Variants in LUC7L2 observed in about 807,000 individuals in gnomAD.
The protein encoded by LUC7L2 is LUC7 like 2, pre-mRNA splicing factor, also known as putative RNA-binding protein Luc7-like 2.
In LUC7L2, 25 loss-of-function variants were observed where a neutral mutation model predicts 52.8. The observed-to-expected ratio is 0.47, with a 90% CI of 0.34 to 0.66. LUC7L2 has a LOEUF of 0.66. Among genes scored for constraint, LUC7L2 ranks in the 30% least tolerant of loss-of-function variants. LUC7L2 has a pLI of 0.01. For missense variants in LUC7L2, 328 were observed against 497.8 expected (o/e 0.66, Z 3.25); for synonymous variants, 144 against 160.9 (o/e 0.89, Z 0.80).
At chr7:139,367,799 A>G (rs10229358) in intron 1 of LUC7L2, among the ~76,000 whole-genome samples, 58,542 of 152,028 alleles carry the variant, frequency 0.39, 15,750 homozygotes, top group African/African-American at 0.77. Flanking sequence ...ATTTAGCTCA[A>G]TTTCTCACCT....
chr7:139,341,460 G>C, intron 1 of LUC7L2: 1 of 1,613,696 alleles, frequency 6.2e-7, no homozygotes, highest in Non-Finnish European at 8.5e-7. Flanking sequence ...CGCGGCCACC[G>C]GCCGACCCTA....
At chr7:139,354,071 A>T (rs1250998841) in intron 1 of LUC7L2, among the ~76,000 whole-genome samples, 1 of 150,182 alleles carries the variant, frequency 6.7e-6, no homozygotes, top group Non-Finnish European at 1.5e-5. Flanking sequence ...AGCCGAGATC[A>T]CGCCACTGCA....
upstream of LUC7L2, among the ~76,000 whole-genome samples, chr7:139,355,452 A>G (rs942738371): frequency 1.3e-5 from 2 of 152,154 alleles, no homozygotes; most frequent in African/African-American, 4.8e-5. Context: ...ACCACAAAAA[A>G]CCTTAAGATA....
intron 1 of LUC7L2, among the ~76,000 whole-genome samples, chr7:139,350,266 C>T (rs570835766): frequency 3.9e-4 from 60 of 152,130 alleles, no homozygotes; most frequent in Middle Eastern, 6.8e-3. Context: ...GGACTACAGG[C>T]GCCCGCCACC....
intron 1 of LUC7L2, chr7:139,341,341 T>C: frequency 6.3e-7 from 1 of 1,582,486 alleles, no homozygotes; most frequent in Non-Finnish European, 8.6e-7. Flanking sequence ...GTTTTCAGGG[T>C]CGTAGGACGC....
chr7:139,371,261 G>T, intron 1 of LUC7L2: 1 of 614,874 alleles, frequency 1.6e-6, no homozygotes. Flanking sequence ...TTTGTAAATT[G>T]CTTGCCATGA....
intron 2 of LUC7L2, among the ~76,000 whole-genome samples, chr7:139,386,087 C>G (rs974520713): frequency 6.6e-6 from 1 of 152,124 alleles, no homozygotes; most frequent in Non-Finnish European, 1.5e-5. Context: ...ACTGCAGCCT[C>G]CACCTCCCAA....
chr7:139,347,095 A>T (rs1460323261), intron 1 of LUC7L2, among the ~76,000 whole-genome samples: 1 of 151,720 alleles, frequency 6.6e-6, no homozygotes, highest in Non-Finnish European at 1.5e-5. Flanking sequence ...GCCAACACTT[A>T]TTTACCTTTG....
chr7:139,399,602 C>A (rs113775521), intron 3 of LUC7L2, among the ~76,000 whole-genome samples: 213 of 151,238 alleles, frequency 1.4e-3, no homozygotes, highest in African/African-American at 5.0e-3. Context: ...ACCGAGTAGC[C>A]GGGACTACAG....
chr7:139,353,134 T>A (rs1336696389), intron 1 of LUC7L2, among the ~76,000 whole-genome samples: 1 of 152,108 alleles, frequency 6.6e-6, no homozygotes, highest in Non-Finnish European at 1.5e-5. Context: ...GAGGCAGAGG[T>A]TGCAGTGAGC....
At chr7:139,415,218 C>CT (rs111851151) in intron 8 of LUC7L2, among the ~76,000 whole-genome samples, 13,244 of 144,480 alleles carry the variant, frequency 0.092, 1,935 homozygotes, top group African/African-American at 0.31. Context: ...AGCAATAGAT[C>CT]TTTTTTTTTT....
At chr7:139,357,695 A>AT (rs11383117), upstream of LUC7L2, among the ~76,000 whole-genome samples, 45,499 of 143,906 alleles carry the variant, frequency 0.32, 8,265 homozygotes, top group African/African-American at 0.51. Context: ...ATTCAAAATA[A>AT]TTTTTTTTTT....
chr7:139,341,267 C>G, intron 1 of LUC7L2: 1 of 1,469,006 alleles, frequency 6.8e-7, no homozygotes, highest in Non-Finnish European at 9.0e-7. Flanking sequence ...CACTGCTCGT[C>G]AGTCGATAGG....
intron 1 of LUC7L2, among the ~76,000 whole-genome samples, chr7:139,349,996 C>T (rs1799399341): frequency 6.6e-6 from 1 of 152,200 alleles, no homozygotes; most frequent in South Asian, 2.1e-4. Flanking sequence ...CTGGTCTCGG[C>T]AACCACTGAC....
intron 4 of LUC7L2, 44 bp from the exon 5 acceptor site, chr7:139,405,600 C>T (rs1487942998): frequency 6.5e-7 from 1 of 1,535,604 alleles, no homozygotes; most frequent in East Asian, 2.3e-5. Flanking sequence ...ATTTAAAATT[C>T]ATTCTCTTGT....
At chr7:139,409,872 G>A (rs547811948) in intron 7 of LUC7L2, among the ~76,000 whole-genome samples, 1 of 152,308 alleles carries the variant, frequency 6.6e-6, no homozygotes, top group Non-Finnish European at 1.5e-5. Context: ...TTTAAAATGT[G>A]TGGAAGAGTG....
In LUC7L2 at chr7:139,360,083, G is replaced by T. The variant is rs2131173120; in HGVS notation, c.-179G>T. 3.6e-6 allele frequency: 2 copies of T among 551,718 alleles called. No homozygotes were observed. The highest frequency in any genetic ancestry group is 6.7e-5 in the East Asian group (2 of 29,858). The allele number at this position is 551,718 out of a possible 1,614,324, so 34.2% of individuals were successfully genotyped here. On this transcript the variant is annotated 5_prime_UTR_variant, in exon 1 of 10. Transcript: ENST00000354926. The stretch of plus-strand genomic sequence containing the variant: ...TGTCGTCTTCCACGTACACGTCGTC[G>T]TGAGGAGCGCAGTCCGGACTCTTCC...
At chr7:139,404,726 G>A (rs1212399467) in intron 4 of LUC7L2, among the ~76,000 whole-genome samples, 3 of 152,200 alleles carry the variant, frequency 2.0e-5, no homozygotes, top group South Asian at 2.1e-4. Flanking sequence ...GAAAGCTAAG[G>A]ACTCATAGAG....
chr7:139,401,894 A>C (rs1794933182), intron 3 of LUC7L2, among the ~76,000 whole-genome samples: 1 of 151,600 alleles, frequency 6.6e-6, no homozygotes, highest in Admixed American at 6.6e-5. Context: ...AGCTGAGACT[A>C]CAGGTGTGCC....
Sources: gnomAD v4.1 joint callset for allele counts (sites outside exome capture counted in the v4.1 genomes callset) on GRCh38, gnomAD v4.1.1 for gene constraint, MANE v1.5 for transcripts, NCBI Gene and HGNC (gene_info 2026-07-23, HGNC 2026-07-21) for gene names.